RTKN2: variants seen among roughly 807,000 people sequenced by gnomAD.
RTKN2 encodes the protein rhotekin-2.
RTKN2 carries 69 observed loss-of-function variants against 71.5 expected under a neutral mutation model. The ratio of observed to expected loss-of-function variants is 0.96; its 90% CI spans 0.79 to 1.18. The LOEUF (loss-of-function observed/expected upper bound fraction) is 1.18, where lower values mean the gene tolerates loss of function less well. Ranked by LOEUF, RTKN2 falls within the 50% of genes most tolerant of loss-of-function variation. The probability of loss-of-function intolerance (pLI) is 0.00; values close to 1 mark genes in which losing one functional copy is unlikely to be tolerated. For synonymous variants in RTKN2, 236 were observed against 236.5 expected, an observed-to-expected ratio of 1.00 and a Z score of 0.02; for missense variants, 724 against 719.7, an observed-to-expected ratio of 1.01 and a Z score of -0.07.
chr10:62,264,959 G>C (rs780568528), intron 1 of RTKN2, among the ~76,000 whole-genome samples: 12 of 151,992 alleles, frequency 7.9e-5, no homozygotes, highest in Non-Finnish European at 1.8e-4. Context: ...AGAACCAGCA[G>C]GTGGCTACAG....
intron 2 of RTKN2, among the ~76,000 whole-genome samples, chr10:62,261,500 A>C (rs1478360938): frequency 6.6e-6 from 1 of 151,986 alleles, no homozygotes; most frequent in Non-Finnish European, 1.5e-5. Context: ...ACAAAAAAAA[A>C]ATCAGCTGGG....
At chr10:62,236,028 A>C in intron 6 of RTKN2, 38 bp downstream of exon 6, 1 of 1,343,682 alleles carries the variant, frequency 7.4e-7, no homozygotes, top group East Asian at 2.3e-5. Context: ...TCACAAATGT[A>C]TAATTATGTC....
At chr10:62,251,573 A>G (rs916828975) in intron 2 of RTKN2, among the ~76,000 whole-genome samples, 4 of 152,192 alleles carry the variant, frequency 2.6e-5, no homozygotes, top group Admixed American at 2.6e-4. Context: ...GAAAACTACT[A>G]TAAATAAAAG....
chr10:62,268,586 G>T lies in RTKN2; in HGVS notation c.25C>A (p.Pro9Thr). 1 of 1,565,640 alleles carries T rather than the reference G, an allele frequency of 6.4e-7. No individual in the cohort carries two copies. Among genetic ancestry groups the T allele is most frequent in the African/African-American group, 1.3e-5 (1 of 74,140 alleles). Reference sequence around the variant, plus strand: ...GGAAGCCCCGCCAGGCGGAGCGCAGGACCCCTCAGGCTCGGCCCCTCCATC... The same window carrying T: ...GGAAGCCCCGCCAGGCGGAGCGCAGTACCCCTCAGGCTCGGCCCCTCCATC... Reference protein sequence around the residue: MEGPSLRGPALRLAGLPTQ... With the variant: MEGPSLRGTALRLAGLPTQ... The change falls in exon 1 of 12, where the codon CCT (proline) becomes ACT (threonine). Residue 9 changes from proline to threonine, a missense_variant. By Grantham distance (38) the Pro-to-Thr change is conservative. Coordinates refer to ENST00000373789, the MANE Select transcript of RTKN2 (RefSeq NM_145307.4).
Position 62,236,156 on chromosome 10 carries a change from G to A in RTKN2, c.596C>T (p.Thr199Ile), listed in dbSNP as rs1564517541. The A allele has an allele frequency of 3.1e-6, 5 of 1,611,444 alleles. No homozygotes were observed. The highest frequency in any genetic ancestry group is 4.2e-6 in the Non-Finnish European group (5 of 1,177,994). Residue 199 changes from threonine (T) to isoleucine (I), a missense_variant, in exon 6 of 12, where the codon ACA (threonine) becomes ATA (isoleucine). Transcript: ENST00000373789. ...CTTTCCTGTAGCTTTACTTATAGAT[G>A]TCTTGAGTTTCTTAGCTAGCTTTTT... ...TPKKLAKKLKTSISKATGKKI... is the reference protein window; with the variant it reads ...TPKKLAKKLKISISKATGKKI...
chr10:62,229,965 T>C (rs1173200004), intron 6 of RTKN2, among the ~76,000 whole-genome samples: 2 of 152,120 alleles, frequency 1.3e-5, no homozygotes, highest in Non-Finnish European at 2.9e-5. Context: ...GCCATCAAAA[T>C]AATTATGTAA....
chr10:62,253,659 TA>T (rs1220977223), intron 2 of RTKN2, among the ~76,000 whole-genome samples: 1 of 152,158 alleles, frequency 6.6e-6, no homozygotes, highest in Non-Finnish European at 1.5e-5. Context: ...TTTAATCAAT[TA>T]AAATTCCTCT....
intron 11 of RTKN2, among the ~76,000 whole-genome samples, chr10:62,199,310 C>T (rs2132799840): frequency 6.6e-6 from 1 of 152,258 alleles, no homozygotes; most frequent in East Asian, 1.9e-4. Flanking sequence ...AAGTATTAAA[C>T]TTAACCAATT....
rs1841281700 is a variant in RTKN2, at chr10:62,194,383, G to A, written c.*3525C>T. The A allele has an allele frequency of 1.0e-6, 1 of 983,194 alleles. No individual in the cohort carries two copies. Among genetic ancestry groups the A allele is most frequent in the South Asian group, 4.7e-5 (1 of 21,246 alleles). 60.9% of individuals were successfully genotyped at this position (983,194 alleles called of 1,614,324 possible). A position where few individuals can be genotyped will look rare whatever the true frequency, so the allele number is the denominator to read the frequency against. ...ATAGTGATGCCTTTGAAATGTAAGG[G>A]GAAAATGTCAACTTTACATTATAAT... On this transcript the variant is annotated 3_prime_UTR_variant, in exon 12 of 12. Coordinates refer to ENST00000373789, the MANE Select transcript of RTKN2 (RefSeq NM_145307.4).
chr10:62,228,489 T>C (rs1165705804), intron 6 of RTKN2, among the ~76,000 whole-genome samples: 1 of 152,078 alleles, frequency 6.6e-6, no homozygotes. Context: ...CCAACTGAAA[T>C]GGTTCAATAG....
At chr10:62,223,398 TA>T in intron 6 of RTKN2, 66 bp from the exon 7 acceptor site, 1 of 933,036 alleles carries the variant, frequency 1.1e-6, no homozygotes, top group Non-Finnish European at 1.7e-6. Flanking sequence ...AAAATATTTG[TA>T]TGTTCAACAA....
intron 9 of RTKN2, among the ~76,000 whole-genome samples, chr10:62,215,810 A>C (rs141418206): frequency 3.2e-4 from 49 of 152,178 alleles, no homozygotes; most frequent in Admixed American, 2.8e-3. Context: ...AAGTATGAAA[A>C]AGCGACAGGA....
chr10:62,263,715 A>T (rs2133107130), intron 1 of RTKN2, among the ~76,000 whole-genome samples: 1 of 152,320 alleles, frequency 6.6e-6, no homozygotes, highest in African/African-American at 2.4e-5. Flanking sequence ...CAGAAGCAAG[A>T]GAGTGAAAGC....
At chr10:62,201,201 T>C (rs1841434488) in intron 10 of RTKN2, among the ~76,000 whole-genome samples, 1 of 152,160 alleles carries the variant, frequency 6.6e-6, no homozygotes, top group Admixed American at 6.5e-5. Context: ...AACTTGATTA[T>C]TTTCTGTGAC....
intron 4 of RTKN2, 60 bp from the exon 5 acceptor site, chr10:62,239,825 C>G: frequency 1.2e-6 from 1 of 827,782 alleles, no homozygotes; most frequent in Non-Finnish European, 2.0e-6. Flanking sequence ...TTGTTAAAAT[C>G]TACTTGAAAA....
chr10:62,235,258 ATG>A, intron 6 of RTKN2, among the ~76,000 whole-genome samples: 1 of 152,162 alleles, frequency 6.6e-6, no homozygotes, highest in South Asian at 2.1e-4. Context: ...ATTGGGCAAT[ATG>A]AATACAGACT....
At chr10:62,229,010 G>A (rs975376096) in intron 6 of RTKN2, among the ~76,000 whole-genome samples, 6 of 152,182 alleles carry the variant, frequency 3.9e-5, no homozygotes, top group African/African-American at 1.4e-4. Flanking sequence ...GTCATACTGG[G>A]AACCCACTTA....
chr10:62,207,890 C>T (rs1249473885), intron 9 of RTKN2, among the ~76,000 whole-genome samples: 1 of 152,112 alleles, frequency 6.6e-6, no homozygotes, highest in African/African-American at 2.4e-5. Context: ...TTAAGCCCAG[C>T]GTTTCCTGTA....
At chr10:62,225,928 C>A (rs1842013025) in intron 6 of RTKN2, among the ~76,000 whole-genome samples, 1 of 151,918 alleles carries the variant, frequency 6.6e-6, no homozygotes, top group East Asian at 1.9e-4. Context: ...ACTACAGGCG[C>A]CCGCCACCAT....
Sources: allele counts gnomAD v4.1 joint callset (sites outside exome capture counted in the v4.1 genomes callset), GRCh38; gene constraint gnomAD v4.1.1; transcripts MANE v1.5; gene names NCBI Gene and HGNC (gene_info 2026-07-23, HGNC 2026-07-21).